Variants in METTL15 observed in about 807,000 individuals in gnomAD.
METTL15 encodes 12S rRNA N(4)-cytidine methyltransferase METTL15.
In METTL15, 34 loss-of-function variants were observed where a neutral mutation model predicts 38.3. That is an observed-to-expected ratio of 0.89 (90% CI 0.68 to 1.18). The LOEUF (loss-of-function observed/expected upper bound fraction) is 1.18, where lower values mean the gene tolerates loss of function less well. Ranked by LOEUF, METTL15 falls within the 50% of genes most tolerant of loss-of-function variation. METTL15 has a pLI of 0.00. For synonymous variants in METTL15, 162 were observed against 170.9 expected (o/e 0.95, Z 0.41); for missense variants, 438 against 498.4 (o/e 0.88, Z 1.15).
chr11:28,352,493 T>C (rs1010178459), intron 4 of METTL15, among the ~76,000 whole-genome samples: 8 of 152,212 alleles, frequency 5.3e-5, no homozygotes, highest in Non-Finnish European at 8.8e-5. Context: ...ATAAACTTCA[T>C]GTGTCCAGGA....
chr11:28,439,802 T>G (rs1013400710), intron 6 of METTL15, among the ~76,000 whole-genome samples: 3 of 152,216 alleles, frequency 2.0e-5, no homozygotes, highest in African/African-American at 7.2e-5. Context: ...TTCAGCCTAA[T>G]TGGTTCTCAA....
chr11:28,141,192 C>T (rs1012310392), intron 3 of METTL15, among the ~76,000 whole-genome samples: 2 of 152,054 alleles, frequency 1.3e-5, no homozygotes, highest in Admixed American at 6.6e-5. Flanking sequence ...ATAGGTATTG[C>T]TGATTGACTG....
intron 6 of METTL15, among the ~76,000 whole-genome samples, chr11:28,303,873 C>T (rs1366179522): frequency 6.6e-6 from 1 of 152,018 alleles, no homozygotes; most frequent in Admixed American, 6.6e-5. Context: ...TAAGTGAGAC[C>T]CTCCAGGACA....
At chr11:28,227,264 A>G (rs1289162373) in intron 4 of METTL15, among the ~76,000 whole-genome samples, 1 of 151,914 alleles carries the variant, frequency 6.6e-6, no homozygotes, top group Non-Finnish European at 1.5e-5. Context: ...GTGACTTCAT[A>G]GAGTTTACAA....
downstream of METTL15, among the ~76,000 whole-genome samples, chr11:28,337,111 A>G (rs769212548): frequency 2.0e-5 from 3 of 152,190 alleles, no homozygotes; most frequent in African/African-American, 4.8e-5. Context: ...AAAAATATAG[A>G]AAAAGATATA....
chr11:28,395,108 G>A (rs1850554568), intron 5 of METTL15, among the ~76,000 whole-genome samples: 1 of 151,988 alleles, frequency 6.6e-6, no homozygotes, highest in South Asian at 2.1e-4. Flanking sequence ...AAAATTCTCT[G>A]CCCTCACTTG....
chr11:28,135,925 T>A (rs1447798046), intron 3 of METTL15, among the ~76,000 whole-genome samples: 1 of 152,216 alleles, frequency 6.6e-6, no homozygotes, highest in Non-Finnish European at 1.5e-5. Context: ...TCCATTCTGT[T>A]AACTCTTGTT....
At chr11:28,383,268 C>G (rs1850407641) in intron 5 of METTL15, among the ~76,000 whole-genome samples, 2 of 152,076 alleles carry the variant, frequency 1.3e-5, no homozygotes, top group Non-Finnish European at 1.5e-5. Flanking sequence ...GCCTTCAGCT[C>G]CATCCATGTT....
intron 6 of METTL15, among the ~76,000 whole-genome samples, chr11:28,458,631 G>C (rs894994743): frequency 1.3e-5 from 2 of 152,138 alleles, no homozygotes; most frequent in Non-Finnish European, 2.9e-5. Context: ...GCAGAAACAT[G>C]TGTCACCATG....
intron 5 of METTL15, among the ~76,000 whole-genome samples, chr11:28,386,415 CA>C (rs1291197328): frequency 4.0e-5 from 6 of 151,574 alleles, no homozygotes; most frequent in South Asian, 2.1e-4. Flanking sequence ...TAAAAGAGAA[CA>C]GGGTTGATCA....
At chr11:28,233,622 A>C (rs1853789510) in intron 4 of METTL15, among the ~76,000 whole-genome samples, 2 of 152,040 alleles carry the variant, frequency 1.3e-5, no homozygotes, top group South Asian at 4.1e-4. Flanking sequence ...ATAATTATTG[A>C]AATAAATGCT....
At chr11:28,159,053 T>C (rs897790660) in intron 3 of METTL15, among the ~76,000 whole-genome samples, 1 of 152,122 alleles carries the variant, frequency 6.6e-6, no homozygotes, top group Non-Finnish European at 1.5e-5. Context: ...TGCTTCCTGT[T>C]CCCGCGACAT....
chr11:28,138,804 G>A (rs898546937), intron 3 of METTL15, among the ~76,000 whole-genome samples: 3 of 152,160 alleles, frequency 2.0e-5, no homozygotes, highest in African/African-American at 7.2e-5. Context: ...CTGCAGCAAT[G>A]TTTGTTACTG....
chr11:28,108,499 TA>T (rs1851581964), intron 1 of METTL15, 47 bp downstream of exon 1: 1 of 152,684 alleles, frequency 6.5e-6, no homozygotes, highest in African/African-American at 2.4e-5. Flanking sequence ...TGCCCTCTGC[TA>T]GGGGGAGAGG....
intron 4 of METTL15, among the ~76,000 whole-genome samples, chr11:28,215,204 A>AC (rs1852811424): frequency 6.6e-6 from 1 of 152,090 alleles, no homozygotes; most frequent in South Asian, 2.1e-4. Context: ...TGAAGGTAGG[A>AC]CCCCTGTGAA....
chr11:28,223,872 A>G (rs1312194652), intron 4 of METTL15, among the ~76,000 whole-genome samples: 1 of 152,086 alleles, frequency 6.6e-6, no homozygotes, highest in East Asian at 1.9e-4. Flanking sequence ...TTTTTAACGT[A>G]GTGGAAGATG....
intron 4 of METTL15, among the ~76,000 whole-genome samples, chr11:28,263,627 T>C (rs1395684515): frequency 1.3e-5 from 2 of 152,092 alleles, no homozygotes; most frequent in African/African-American, 4.8e-5. Flanking sequence ...CATAATGTCT[T>C]GCTCAGTTTC....
intron 4 of METTL15, among the ~76,000 whole-genome samples, chr11:28,266,405 T>G (rs1855420958): frequency 6.6e-6 from 1 of 152,318 alleles, no homozygotes. Flanking sequence ...TCATGTCCTT[T>G]GTAGGGACAC....
rs549782192 is a variant in METTL15 at position 28,308,385 on chromosome 11, A to G, written c.778+11454A>G. 2.6e-5 allele frequency among the ~76,000 whole-genome samples: 4 copies of G among 151,988 alleles called. No homozygotes were observed. The South Asian group carries it at 6.2e-4, about 24-fold the overall frequency. ...TCCTTTGCAACACTTAGTTTCTTGT[A>G]TTTCCCACGTCTTTCTATCTCTGTG... On this transcript the variant is annotated intron_variant, in intron 6 of 6. Transcript: ENST00000407364.
Sources: gnomAD v4.1 joint callset for allele counts (sites outside exome capture counted in the v4.1 genomes callset) on GRCh38, gnomAD v4.1.1 for gene constraint, MANE v1.5 for transcripts, NCBI Gene and HGNC (gene_info 2026-07-23, HGNC 2026-07-21) for gene names.